NIPSNAP1: variants seen among roughly 807,000 people sequenced by gnomAD.
NIPSNAP1 encodes nipsnap homolog 1.
NIPSNAP1 carries 25 observed loss-of-function variants against 49.2 expected under a neutral mutation model. That is an observed-to-expected ratio of 0.51 (90% CI 0.37 to 0.71). NIPSNAP1 has a LOEUF of 0.71. Ranked by LOEUF, NIPSNAP1 falls within the 30% of genes least tolerant of loss-of-function variation. The probability of loss-of-function intolerance (pLI) is 0.00; values close to 1 mark genes in which losing one functional copy is unlikely to be tolerated. For synonymous variants in NIPSNAP1, 143 were observed against 140.7 expected (o/e 1.02, Z -0.12); for missense variants, 294 against 361.0 (o/e 0.81, Z 1.50).
chr22:29,567,075 T>C (rs1380453549), intron 4 of NIPSNAP1, among the ~76,000 whole-genome samples: 2 of 152,096 alleles, frequency 1.3e-5, no homozygotes, highest in African/African-American at 4.8e-5. Context: ...TGAGCCAAGA[T>C]TGCACCACTG....
rs766459091 is a variant in NIPSNAP1, at chr22:29,570,173, G to A, written c.261C>T (p.Tyr87=). The A allele has an allele frequency of 1.2e-6, 2 of 1,613,964 alleles. No individual in the cohort carries two copies. Among genetic ancestry groups the A allele is most frequent in the Admixed American group, 3.3e-5 (2 of 59,966 alleles). Residue 87 remains tyrosine, a synonymous_variant, in exon 3 of 10, where the codon TAC becomes TAT. Transcript: ENST00000216121. ...HNVKPEYLDA[Y]NSLTEAVLPK... ...TGCAGGGTGCTCACGTGAGGCTGTT[G>A]TAGGCATCCAGGTATTCAGGCTTTA...
intron 1 of NIPSNAP1, among the ~76,000 whole-genome samples, chr22:29,578,889 T>C (rs565122340): frequency 1.3e-5 from 2 of 151,242 alleles, no homozygotes; most frequent in South Asian, 4.1e-4. Context: ...CAATCCATTC[T>C]GTCCCTTCCC....
intron 1 of NIPSNAP1, among the ~76,000 whole-genome samples, chr22:29,578,281 C>A (rs1468763742): frequency 1.3e-5 from 2 of 151,182 alleles, no homozygotes; most frequent in Admixed American, 6.6e-5. Flanking sequence ...GGTGATCCAC[C>A]CGCCTCAGCC....
rs2064315002 is a variant in NIPSNAP1 at position 29,558,945 on chromosome 22, C to T, written c.715G>A (p.Asp239Asn). 1.9e-6 allele frequency: 3 copies of T among 1,613,040 alleles called. No homozygotes were observed. Among genetic ancestry groups the T allele is most frequent in the South Asian group, 2.2e-5 (2 of 91,054 alleles). Residue 239 changes from aspartate to asparagine, a missense_variant, in exon 9 of 10, where the codon GAC (aspartate) becomes AAC (asparagine). Around this residue, in one of 4 missense-constraint regions of NIPSNAP1, gnomAD observed 146 missense variants for 219.9 expected, o/e 0.66. Transcript: ENST00000216121. ...CGAGTCTCCTCCCGAGACTGCAGGT[C>T]TTTATAGGCTGTGAGAAAGGCACAG... is the stretch of plus-strand genomic sequence containing the variant. ...YVVHHLWAYK[D>N]LQSREETRNA... is the part of the protein sequence containing the mutation.
At chr22:29,566,912 A>G (rs1190616010) in intron 4 of NIPSNAP1, among the ~76,000 whole-genome samples, 5 of 152,142 alleles carry the variant, frequency 3.3e-5, no homozygotes, top group Non-Finnish European at 7.3e-5. Context: ...TCATGAGGTC[A>G]GGAGTTCAAG....
chr22:29,574,284 A>AGAAAGAAAG (rs376217851), intron 1 of NIPSNAP1, among the ~76,000 whole-genome samples: 1 of 103,078 alleles, frequency 9.7e-6, no homozygotes, highest in Non-Finnish European at 2.1e-5. Context: ...AAAAAAAAAA[A>AGAAAGAAAG]AAAAAAAAGA....
chr22:29,556,033 G>T (rs1444277081), intron 9 of NIPSNAP1, 34 bp from the exon 10 acceptor site: 1 of 1,535,300 alleles, frequency 6.5e-7, no homozygotes, highest in Non-Finnish European at 8.8e-7. Flanking sequence ...CACACAGGGG[G>T]CTCAAGCAAG....
intron 4 of NIPSNAP1, among the ~76,000 whole-genome samples, chr22:29,565,049 A>C (rs1291062706): frequency 6.6e-6 from 1 of 151,720 alleles, no homozygotes; most frequent in Non-Finnish European, 1.5e-5. Flanking sequence ...AACAAAACAA[A>C]ACAACTAGCC....
intron 1 of NIPSNAP1, among the ~76,000 whole-genome samples, chr22:29,577,483 G>A (rs1160049185): frequency 1.3e-5 from 2 of 150,598 alleles, no homozygotes; most frequent in East Asian, 1.9e-4. Context: ...GCAATGGTAC[G>A]ATCTCAGCTC....
chr22:29,577,895 ATT>A (rs34431643), intron 1 of NIPSNAP1, among the ~76,000 whole-genome samples: 26 of 99,380 alleles, frequency 2.6e-4, no homozygotes, highest in Admixed American at 4.3e-4. Context: ...ACCATGCCTA[ATT>A]TTTTTTTTTT....
chr22:29,581,110 C>T lies in NIPSNAP1; in HGVS notation c.-28G>A. On this transcript the variant is annotated 5_prime_UTR_variant, in exon 1 of 10. Coordinates refer to ENST00000216121, the MANE Select transcript of NIPSNAP1 (RefSeq NM_003634.4). The stretch of plus-strand genomic sequence containing the variant: ...TGGAGCCGCAAAGGTTGCAGGAAGG[C>T]CCCGCCCCCAAGCCCTGGTGGCGGA... 6.5e-7 allele frequency: 1 copy of T among 1,535,748 alleles called. No homozygotes were observed.
intron 1 of NIPSNAP1, among the ~76,000 whole-genome samples, chr22:29,574,272 A>G (rs2064432717): frequency 7.1e-6 from 1 of 141,756 alleles, no homozygotes; most frequent in Non-Finnish European, 1.5e-5. Flanking sequence ...AAAAAAAAAA[A>G]AAAAAAAAAA....
chr22:29,572,840 G>A (rs570977811), intron 1 of NIPSNAP1, among the ~76,000 whole-genome samples: 44 of 151,468 alleles, frequency 2.9e-4, no homozygotes, highest in South Asian at 1.3e-3. Context: ...ATAATTAGCC[G>A]GGTGTGGTGA....
intron 9 of NIPSNAP1, among the ~76,000 whole-genome samples, chr22:29,556,980 C>T (rs1199548066): frequency 2.0e-5 from 3 of 152,074 alleles, no homozygotes; most frequent in Non-Finnish European, 2.9e-5. Context: ...AACTCCTGAC[C>T]TCAGGTGATC....
chr22:29,561,903 C>T (rs1317953260), intron 4 of NIPSNAP1, 41 bp from the exon 5 acceptor site: 5 of 1,590,610 alleles, frequency 3.1e-6, no homozygotes, highest in South Asian at 1.1e-5. Flanking sequence ...GCTGCTGGGA[C>T]CCCCAGCAGA....
intron 1 of NIPSNAP1, among the ~76,000 whole-genome samples, chr22:29,578,287 C>T (rs1007694017): frequency 1.3e-5 from 2 of 151,262 alleles, no homozygotes; most frequent in Admixed American, 6.6e-5. Context: ...CCACCCGCCT[C>T]AGCCTCCTAA....
chr22:29,580,970 T>C lies in NIPSNAP1; in HGVS notation c.98+15A>G, dbSNP rs1231817745. ...CACCCCGCGCGCGTCTATCCCTGCC[T>C]GGCCGGGCTCTCACCGCGCCGCAGC... On this transcript the variant is annotated intron_variant, in intron 1 of 9. Coordinates refer to ENST00000216121, the MANE Select transcript of NIPSNAP1 (RefSeq NM_003634.4). 9 of 1,526,834 alleles carry C rather than the reference T, an allele frequency of 5.9e-6. No homozygotes were observed. The highest frequency in any genetic ancestry group is 2.5e-5 in the East Asian group (1 of 40,220). The allele number at this position is 1,526,834 out of a possible 1,614,324, so 94.6% of individuals were successfully genotyped here.
intron 4 of NIPSNAP1, chr22:29,564,271 C>T: frequency 2.2e-6 from 1 of 462,754 alleles, no homozygotes; most frequent in South Asian, 1.6e-5. Flanking sequence ...CTTGATTTTC[C>T]CATCTGCAAA....
At chr22:29,575,977 G>C (rs1405748139) in intron 1 of NIPSNAP1, among the ~76,000 whole-genome samples, 2 of 149,206 alleles carry the variant, frequency 1.3e-5, no homozygotes, top group African/African-American at 2.5e-5. Flanking sequence ...GCCTCCCAAA[G>C]TGCTGGGATT....
Sources: allele counts gnomAD v4.1 joint callset (sites outside exome capture counted in the v4.1 genomes callset), GRCh38; gene constraint gnomAD v4.1.1; regional missense constraint gnomAD v4.1.1; transcripts MANE v1.5; gene names NCBI Gene and HGNC (gene_info 2026-07-23, HGNC 2026-07-21).